Variants in EFCAB11 observed in about 807,000 individuals in gnomAD.
The protein encoded by EFCAB11 is EF-hand calcium binding domain 11.
EFCAB11 carries 14 observed loss-of-function variants against 23.0 expected under a neutral mutation model. The observed-to-expected ratio is 0.61, with a 90% CI of 0.40 to 0.95. The LOEUF is 0.95. EFCAB11 is among the 40% of genes least tolerant of loss of function. EFCAB11 has a pLI of 0.00. For missense variants in EFCAB11, 198 were observed against 195.8 expected (o/e 1.01, Z -0.07); for synonymous variants, 65 against 66.6 (o/e 0.98, Z 0.11).
intron 5 of EFCAB11, among the ~76,000 whole-genome samples, chr14:89,817,285 G>C (rs1001037884): frequency 1.8e-4 from 28 of 152,212 alleles, no homozygotes; most frequent in African/African-American, 4.3e-4. Flanking sequence ...GGAGGCCAAG[G>C]GGGGAGAACC....
At chr14:89,880,079 T>A (rs1264702916) in intron 5 of EFCAB11, among the ~76,000 whole-genome samples, 2 of 152,208 alleles carry the variant, frequency 1.3e-5, no homozygotes, top group Admixed American at 6.5e-5. Context: ...TTTCTTAGTA[T>A]TTACTGTATG....
intron 5 of EFCAB11, among the ~76,000 whole-genome samples, chr14:89,897,774 C>T (rs1889213575): frequency 6.6e-6 from 1 of 152,128 alleles, no homozygotes; most frequent in South Asian, 2.1e-4. Context: ...CATAGTATTA[C>T]ACCATAGTTT....
At position 89,950,118 on chromosome 14, in the gene EFCAB11, A is replaced by G; in HGVS notation, c.196T>C (p.Ser66Pro). 1 of 1,557,160 alleles carries G rather than the reference A, an allele frequency of 6.4e-7. No homozygotes were observed. Among genetic ancestry groups the G allele is most frequent in the Non-Finnish European group, 8.8e-7 (1 of 1,140,082 alleles). ...SKIEVDSVMS[S>P]INPNTSGILL... ...TTACCAGAAGTATTTGGATTTATTG[A>G]AGACATCACAGAATCCACTTCTATC... The change falls in exon 3 of 6, where the codon TCA becomes CCA. Residue 66 changes from serine to proline, a missense_variant. Transcript: ENST00000316738.
intron 5 of EFCAB11, among the ~76,000 whole-genome samples, chr14:89,876,003 A>T (rs888381416): frequency 6.6e-6 from 1 of 152,166 alleles, no homozygotes; most frequent in Admixed American, 6.6e-5. Flanking sequence ...TTGAATGTTG[A>T]AAAGGGTTCA....
At chr14:89,814,720 A>C (rs1166777563) in intron 5 of EFCAB11, among the ~76,000 whole-genome samples, 1 of 151,046 alleles carries the variant, frequency 6.6e-6, no homozygotes, top group East Asian at 2.0e-4. Context: ...AAAAAAAATC[A>C]CCCAGCCCCA....
intron 5 of EFCAB11, among the ~76,000 whole-genome samples, chr14:89,890,136 T>C (rs992996416): frequency 6.6e-6 from 1 of 152,246 alleles, no homozygotes; most frequent in Non-Finnish European, 1.5e-5. Flanking sequence ...AAGTGATTTT[T>C]AGATATAATA....
At chr14:89,895,252 G>C (rs1269854090) in intron 5 of EFCAB11, among the ~76,000 whole-genome samples, 1 of 152,194 alleles carries the variant, frequency 6.6e-6, no homozygotes, top group Non-Finnish European at 1.5e-5. Flanking sequence ...ATATATTTAT[G>C]AATAGGAAGA....
Position 89,900,449 on chromosome 14 carries a change from A to G in EFCAB11, c.410+31092T>C, listed in dbSNP as rs190541318. 5.5e-4 allele frequency among the ~76,000 whole-genome samples: 83 copies of G among 152,288 alleles called. 1 individual carries two copies. The highest frequency in any genetic ancestry group is 3.1e-4 in the Non-Finnish European group (21 of 68,012). The stretch of plus-strand genomic sequence containing the variant: ...AATGGACAAATTTTCTGACTTGAAT[A>G]TTTCATATATGCATCATACACACTT... On this transcript the variant is annotated intron_variant, in intron 5 of 5. Coordinates refer to ENST00000316738, the MANE Select transcript of EFCAB11 (RefSeq NM_145231.4).
intron 5 of EFCAB11, among the ~76,000 whole-genome samples, chr14:89,820,660 A>G (rs1167132268): frequency 2.0e-5 from 3 of 152,144 alleles, no homozygotes; most frequent in Admixed American, 6.6e-5. Context: ...CTCTACTTGC[A>G]GCCTTATTTA....
At chr14:89,830,316 A>G (rs768436133) in intron 5 of EFCAB11, 2 of 152,200 alleles carry the variant, frequency 1.3e-5, no homozygotes, top group Non-Finnish European at 2.9e-5. Flanking sequence ...CAAGTGCAAT[A>G]GCCTATTAAT....
At chr14:89,828,487 C>T (rs1445079789) in intron 5 of EFCAB11, among the ~76,000 whole-genome samples, 1 of 152,092 alleles carries the variant, frequency 6.6e-6, no homozygotes, top group Non-Finnish European at 1.5e-5. Context: ...GAAACCAAGA[C>T]CCAAAGAGTT....
At chr14:89,802,991 G>A (rs767610343) in intron 5 of EFCAB11, among the ~76,000 whole-genome samples, 1 of 152,132 alleles carries the variant, frequency 6.6e-6, no homozygotes, top group Non-Finnish European at 1.5e-5. Context: ...TAGCAGAGAG[G>A]GGGCTGTCCT....
intron 5 of EFCAB11, among the ~76,000 whole-genome samples, chr14:89,859,861 A>G (rs1484351426): frequency 6.6e-6 from 1 of 152,170 alleles, no homozygotes; most frequent in Non-Finnish European, 1.5e-5. Context: ...TTAGTGGAAG[A>G]CAGAATATAT....
At chr14:89,834,443 G>A (rs1438960020) in intron 5 of EFCAB11, among the ~76,000 whole-genome samples, 2 of 144,230 alleles carry the variant, frequency 1.4e-5, no homozygotes, top group Non-Finnish European at 3.0e-5. Context: ...GAGTCTACTT[G>A]CAACCGGCAA....
chr14:89,807,814 A>C (rs1413396066), intron 5 of EFCAB11, among the ~76,000 whole-genome samples: 1 of 152,232 alleles, frequency 6.6e-6, no homozygotes, highest in Non-Finnish European at 1.5e-5. Context: ...TGGGAAAATA[A>C]ATATGCCATA....
chr14:89,909,677 A>G (rs994349031), intron 5 of EFCAB11, among the ~76,000 whole-genome samples: 1 of 151,888 alleles, frequency 6.6e-6, no homozygotes, highest in Non-Finnish European at 1.5e-5. Flanking sequence ...CTCTTACAAG[A>G]CCCTCATCAC....
At chr14:89,808,543 T>A (rs75191146) in intron 5 of EFCAB11, among the ~76,000 whole-genome samples, 2 of 152,198 alleles carry the variant, frequency 1.3e-5, no homozygotes, top group Admixed American at 6.5e-5. Context: ...CCATTTCTCA[T>A]TGATGCGATG....
At chr14:89,825,926 G>T (rs1886676773) in intron 5 of EFCAB11, among the ~76,000 whole-genome samples, 1 of 152,012 alleles carries the variant, frequency 6.6e-6, no homozygotes, top group South Asian at 2.1e-4. Context: ...TACTTCCCAG[G>T]ATCATTCAAT....
At chr14:89,940,295 A>G (rs1171260397) in intron 3 of EFCAB11, among the ~76,000 whole-genome samples, 1 of 152,218 alleles carries the variant, frequency 6.6e-6, no homozygotes, top group Non-Finnish European at 1.5e-5. Flanking sequence ...CAAAACCTTC[A>G]TCCCTGCTAT....
Sources: gnomAD v4.1 joint callset for allele counts (sites outside exome capture counted in the v4.1 genomes callset) on GRCh38, gnomAD v4.1.1 for gene constraint, MANE v1.5 for transcripts, NCBI Gene and HGNC (gene_info 2026-07-23, HGNC 2026-07-21) for gene names.